Variants in RNPS1 observed in about 807,000 individuals in gnomAD.
RNPS1 encodes the protein RNA binding protein with serine rich domain 1, also known as RNA-binding protein with serine-rich domain 1.
For synonymous variants in RNPS1, 147 were observed against 150.0 expected (o/e 0.98, Z 0.15); for missense variants, 300 against 427.6 (o/e 0.70, Z 2.63).
At chr16:2,259,348 A>C (rs1048176593) in intron 6 of RNPS1, among the ~76,000 whole-genome samples, 2 of 152,198 alleles carry the variant, frequency 1.3e-5, no homozygotes, top group African/African-American at 4.8e-5. Context: ...GATCAGTAAT[A>C]ATTATAATTG....
chr16:2,262,957 T>G (rs2093609248), intron 4 of RNPS1, 115 bp from the exon 5 acceptor site: 1 of 1,302,846 alleles, frequency 7.7e-7, no homozygotes, highest in Admixed American at 2.0e-5. Flanking sequence ...AAGACTTTCC[T>G]GCTAGTTCAC....
intron 4 of RNPS1, 79 bp from the exon 5 acceptor site, chr16:2,262,921 C>A: frequency 7.3e-7 from 1 of 1,365,804 alleles, no homozygotes; most frequent in South Asian, 1.2e-5. Flanking sequence ...AAGCTCTTAT[C>A]TGCTTGTGTG....
chr16:2,267,655 T>C (rs1426627788), intron 1 of RNPS1: 2 of 1,110,054 alleles, frequency 1.8e-6, no homozygotes, highest in Non-Finnish European at 2.2e-6. Context: ...CCGTCCGCGT[T>C]CACTCACAAC....
chr16:2,258,501 G>A (rs2093588430), intron 6 of RNPS1: 1 of 152,188 alleles, frequency 6.6e-6, no homozygotes, highest in Non-Finnish European at 1.5e-5. Context: ...GAGGCGAGAG[G>A]ATCACCTGAA....
At chr16:2,267,207 A>T in intron 1 of RNPS1, 2 of 985,336 alleles carry the variant, frequency 2.0e-6, no homozygotes, top group Non-Finnish European at 2.4e-6. Context: ...GACCTCGGTT[A>T]CCTCCCCCAT....
At chr16:2,255,073 T>C (rs1223077334) in intron 7 of RNPS1, among the ~76,000 whole-genome samples, 5 of 152,246 alleles carry the variant, frequency 3.3e-5, no homozygotes, top group African/African-American at 1.2e-4. Flanking sequence ...TTGGGACAGG[T>C]CCCACCTGAT....
In RNPS1 at chr16:2,263,087, G is replaced by C; in HGVS notation, c.419+9C>G. On this transcript the variant is annotated intron_variant, in intron 4 of 7. Coordinates refer to ENST00000320225, the MANE Select transcript of RNPS1 (RefSeq NM_080594.4). ...TGTAAACTTTAGCTCCCAGGCGCAG[G>C]GCACTCACTTGGAGCGGGAGCGCCT... is the stretch of plus-strand genomic sequence containing the variant. 5 of 1,611,096 alleles carry C rather than the reference G, an allele frequency of 3.1e-6. No homozygotes were observed. The highest frequency in any genetic ancestry group is 4.2e-6 in the Non-Finnish European group (5 of 1,178,920).
chr16:2,267,890 T>G, intron 1 of RNPS1, 165 bp downstream of exon 1: 1 of 1,510,980 alleles, frequency 6.6e-7, no homozygotes. Flanking sequence ...CACCTCCCAC[T>G]CCGCCCGCCC....
chr16:2,254,533 G>A (rs1161407456), intron 7 of RNPS1, among the ~76,000 whole-genome samples: 7 of 152,016 alleles, frequency 4.6e-5, no homozygotes, highest in African/African-American at 1.4e-4. Flanking sequence ...TCCTGACCTC[G>A]TGTTCCGCCC....
At chr16:2,262,458 C>T (rs202194057) in intron 5 of RNPS1, 27 bp from the exon 6 acceptor site, 153 of 1,612,924 alleles carry the variant, frequency 9.5e-5, no homozygotes, top group Non-Finnish European at 1.2e-4. Flanking sequence ...GTCACGCCAA[C>T]GCCCAGCTAC....
rs1454049740 is a variant in RNPS1 at position 2,262,010 on chromosome 16, G to C, written c.676+268C>G. Among the ~76,000 whole-genome samples, 4 of 152,288 alleles carry C rather than the reference G, an allele frequency of 2.6e-5. No individual in the cohort carries two copies. In the East Asian group the frequency reaches 7.7e-4, roughly 29 times the overall value. ...AAACTTTGTAATTTTAAGTTGGTCT[G>C]GCAATAATTTCCAGGCCTTTTCCCT... On this transcript the variant is annotated intron_variant, in intron 6 of 7. Coordinates refer to ENST00000320225, the MANE Select transcript of RNPS1 (RefSeq NM_080594.4).
rs764205207 is a variant in RNPS1, at chr16:2,253,757, C to T, written c.*207G>A. On this transcript the variant is annotated 3_prime_UTR_variant, in exon 8 of 8. Transcript: ENST00000320225. ...CGGATGAGCTTTCTAGCCAGAAAAC[C>T]GGAGGGAATCTTGACAGGCACACAG... The T allele has an allele frequency of 7.2e-5, 49 of 675,892 alleles. No individual in the cohort carries two copies. The highest frequency in any genetic ancestry group is 1.0e-4 in the Non-Finnish European group (37 of 371,132). The allele number at this position is 675,892 out of a possible 1,614,324, so 41.9% of individuals were successfully genotyped here.
At chr16:2,264,036 C>G (rs922218701) in intron 3 of RNPS1, 140 bp downstream of exon 3, 85 of 1,035,200 alleles carry the variant, frequency 8.2e-5, no homozygotes, top group Non-Finnish European at 1.0e-4. Context: ...CCTAGCCAGT[C>G]TGCCATAAAT....
chr16:2,254,347 G>C (rs2093567040), intron 7 of RNPS1, among the ~76,000 whole-genome samples: 1 of 152,098 alleles, frequency 6.6e-6, no homozygotes, highest in African/African-American at 2.4e-5. Flanking sequence ...GTCTCACTCT[G>C]TTGCCCAGGC....
intron 1 of RNPS1, 127 bp downstream of exon 1, chr16:2,267,928 C>T (rs2093632223): frequency 1.9e-5 from 29 of 1,529,392 alleles, no homozygotes; most frequent in Non-Finnish European, 2.4e-5. Flanking sequence ...TCTCGGAGCC[C>T]GCACCGCGCT....
Position 2,263,220 on chromosome 16 carries a change from A to G in RNPS1, c.295T>C (p.Ser99Pro), listed in dbSNP as rs758738615. The G allele has an allele frequency of 6.2e-7, 1 of 1,613,652 alleles. No homozygotes were observed. Among genetic ancestry groups the G allele is most frequent in the Non-Finnish European group, 8.5e-7 (1 of 1,179,842 alleles). Reference sequence around the variant, plus strand: ...CCTGAGCGGCTGGATGCTGAGGAAGAGCTGGAGCCACTGCTTGAGCCAGTG... The same window carrying G: ...CCTGAGCGGCTGGATGCTGAGGAAGGGCTGGAGCCACTGCTTGAGCCAGTG... ...TSTGSSSGSS[S>P]SSASSRSGSS... Residue 99 changes from serine (S) to proline (P), a missense_variant, in exon 4 of 8, where the codon TCT (serine) becomes CCT (proline). By Grantham distance (74) the Ser-to-Pro change is moderately conservative. Coordinates refer to ENST00000320225, the MANE Select transcript of RNPS1 (RefSeq NM_080594.4).
At position 2,264,367 on chromosome 16, in the gene RNPS1, C is replaced by T. The variant is rs12927112; in HGVS notation, c.72-36G>A. The T allele has an allele frequency of 2.1e-4, 340 of 1,613,586 alleles. 2 individuals carry two copies. The Middle Eastern group carries it at 5.0e-3, about 23-fold the overall frequency. ...AGGAAGAGTGTGAGATTGCGTGCTC[C>T]TCTGACCAAACCCAAACAGCACAAC... On this transcript the variant is annotated intron_variant, in intron 2 of 7. Coordinates refer to ENST00000320225, the MANE Select transcript of RNPS1 (RefSeq NM_080594.4).
chr16:2,260,354 C>CGATGTTGGCCA (rs1320139981), intron 6 of RNPS1, among the ~76,000 whole-genome samples: 1 of 151,884 alleles, frequency 6.6e-6, no homozygotes, highest in East Asian at 1.9e-4. Flanking sequence ...CGGGGTTTCA[C>CGATGTTGGCCA]GATGTTGGCC....
chr16:2,267,700 A>C, intron 1 of RNPS1: 1 of 1,188,852 alleles, frequency 8.4e-7, no homozygotes, highest in Non-Finnish European at 1.0e-6. Context: ...GAGCGCTTCC[A>C]GGGCAGGGCC....
Sources: gnomAD v4.1 joint callset for allele counts (sites outside exome capture counted in the v4.1 genomes callset) on GRCh38, gnomAD v4.1.1 for gene constraint, MANE v1.5 for transcripts, NCBI Gene and HGNC (gene_info 2026-07-23, HGNC 2026-07-21) for gene names.